PIGG: variants seen among roughly 807,000 people sequenced by gnomAD.
PIGG encodes the protein GPI ethanolamine phosphate transferase 2, catalytic subunit.
PIGG carries 70 observed loss-of-function variants against 83.2 expected under a neutral mutation model. The observed-to-expected ratio is 0.84, with a 90% confidence interval of 0.69 to 1.03. The LOEUF (loss-of-function observed/expected upper bound fraction) is 1.03. PIGG is among the 50% of genes least tolerant of loss of function. PIGG has a pLI of 0.00. For missense variants in PIGG, 1,257 were observed against 1,233.6 expected, an observed-to-expected ratio of 1.02 and a Z score of -0.28; for synonymous variants, 532 against 519.5, an observed-to-expected ratio of 1.02 and a Z score of -0.33.
rs2108942421 is a variant in PIGG, at chr4:521,278, A to G, written c.1332+5A>G. The G allele has an allele frequency of 6.3e-7, 1 of 1,598,172 alleles. No individual in the cohort carries two copies. Among genetic ancestry groups the G allele is most frequent in the Non-Finnish European group, 8.6e-7 (1 of 1,165,812 alleles). On this transcript the variant is annotated splice_donor_5th_base_variant and intron_variant, in intron 7 of 12. Coordinates refer to ENST00000453061, the MANE Select transcript of PIGG (RefSeq NM_001127178.3). ...GGGACTGTCGTGGTTTTGGAGGTAC[A>G]GATGCTCACACAGTCATGGCTCAGG...
chr4:503,839 A>G (rs1718612303), intron 2 of PIGG, among the ~76,000 whole-genome samples: 1 of 119,074 alleles, frequency 8.4e-6, no homozygotes, highest in Admixed American at 9.2e-5. Flanking sequence ...TATATTTGTG[A>G]TTTTATACAC....
chr4:530,362 G>GT, intron 10 of PIGG, 74 bp from the exon 11 acceptor site: 1 of 1,119,696 alleles, frequency 8.9e-7, no homozygotes, highest in Non-Finnish European at 1.3e-6. Context: ...AGATAGGTGT[G>GT]TTTTTCATGG....
At chr4:519,205 C>T (rs753225817) in intron 6 of PIGG, among the ~76,000 whole-genome samples, 10 of 152,306 alleles carry the variant, frequency 6.6e-5, no homozygotes, top group East Asian at 1.9e-4. Context: ...TTTGTAATTA[C>T]GCTTGTGTGC....
chr4:535,099 G>A (rs1730156335), intron 12 of PIGG, among the ~76,000 whole-genome samples: 1 of 152,264 alleles, frequency 6.6e-6, no homozygotes, highest in African/African-American at 2.4e-5. Context: ...GTTCACCATA[G>A]CAGCCTCAGT....
chr4:517,301 T>A (rs1329552002), intron 6 of PIGG, among the ~76,000 whole-genome samples: 3 of 152,034 alleles, frequency 2.0e-5, no homozygotes, highest in Non-Finnish European at 2.9e-5. Context: ...GCAAGGGTGG[T>A]GAAGAAGTGG....
At position 521,175 on chromosome 4, in the gene PIGG, T is replaced by C; in HGVS notation, c.1234T>C (p.Tyr412His). The change falls in exon 7 of 13, where the codon TAC (tyrosine) becomes CAC (histidine). Residue 412 changes from tyrosine to histidine, a missense_variant. Tyr to His is a moderately conservative substitution (Grantham distance 83). Transcript: ENST00000453061. ...FNLGSKVLRQYLDALKTLSLS... is the reference protein window; with the variant it reads ...FNLGSKVLRQHLDALKTLSLS... ...CCTGGGCTCCAAGGTTCTCAGGCAGTACCTGGATGCTCTGAAGACGCTGAG... is the reference window on the plus strand; with the variant it reads ...CCTGGGCTCCAAGGTTCTCAGGCAGCACCTGGATGCTCTGAAGACGCTGAG... The C allele has an allele frequency of 6.2e-7, 1 of 1,614,106 alleles. No individual in the cohort carries two copies. Among genetic ancestry groups the C allele is most frequent in the Non-Finnish European group, 8.5e-7 (1 of 1,179,958 alleles).
At chr4:519,629 C>A (rs1725124008) in intron 6 of PIGG, among the ~76,000 whole-genome samples, 1 of 152,234 alleles carries the variant, frequency 6.6e-6, no homozygotes, top group South Asian at 2.1e-4. Context: ...GTGAAACGAG[C>A]GAGCCGCCTA....
At position 528,755 on chromosome 4, in the gene PIGG, A is replaced by G. The variant is rs1282474648; in HGVS notation, c.2261+1525A>G. On this transcript the variant is annotated intron_variant, in intron 10 of 12. Transcript: ENST00000453061. This position sits in a 1 kb window ranked among gnomAD's most constrained non-coding sequence, Gnocchi z 4.8. ...CTGAATTTCAGCATCACTCATCTCAAGACCTTGGCCCTCTTCCCTTTCCTG... is the reference window on the plus strand; with the variant it reads ...CTGAATTTCAGCATCACTCATCTCAGGACCTTGGCCCTCTTCCCTTTCCTG... 2 of 983,914 alleles carry G rather than the reference A, an allele frequency of 2.0e-6. No individual in the cohort carries two copies. The highest frequency in any genetic ancestry group is 2.4e-6 in the Non-Finnish European group (2 of 828,750). The allele number at this position is 983,914 out of a possible 1,614,324, so 60.9% of individuals were successfully genotyped here.
In PIGG at chr4:499,288, C is replaced by G; in HGVS notation, c.-48C>G. 1 of 1,584,518 alleles carries G rather than the reference C, an allele frequency of 6.3e-7. No individual in the cohort carries two copies. Among genetic ancestry groups the G allele is most frequent in the Non-Finnish European group, 8.5e-7 (1 of 1,170,200 alleles). On this transcript the variant is annotated 5_prime_UTR_variant, in exon 1 of 13. Coordinates refer to ENST00000453061, the MANE Select transcript of PIGG (RefSeq NM_001127178.3). The stretch of plus-strand genomic sequence containing the variant: ...AGCCGGAAGCGCGGCTGCAGCAGGG[C>G]GAGGCTCCAGGTGGGGTCGGTTCCG...
rs370025108 is a variant in PIGG, at chr4:514,829, GA to G, written c.902-1142del. 3.7e-4 allele frequency among the ~76,000 whole-genome samples: 57 copies of G among 152,308 alleles called. No individual in the cohort carries two copies. The East Asian group carries it at 0.01, about 27-fold the overall frequency. On this transcript the variant is annotated intron_variant, in intron 5 of 12. Transcript: ENST00000453061. ...CCGCAATAGACACGCAACAGTCTCA[GA>G]ATAACAATGCCAGTGCTGCCACTAC...
In PIGG at chr4:527,144, G is replaced by A. The variant is rs377565197; in HGVS notation, c.2175G>A (p.Ala725=). Residue 725 remains alanine (A), a synonymous_variant, in exon 10 of 13, where the codon GCG becomes GCA. Transcript: ENST00000453061. ...GCSPVSKAAL[A]LGLLGVYCYR... ...CCCCTGTGTCCAAGGCTGCCCTGGC[G>A]CTGGGGCTGCTGGGCGTCTACTGCT... 1.9e-5 allele frequency: 31 copies of A among 1,614,042 alleles called. No individual in the cohort carries two copies. Among genetic ancestry groups the A allele is most frequent in the Middle Eastern group, 3.3e-4 (2 of 6,024 alleles).
chr4:514,653 T>C (rs1723257020), intron 5 of PIGG, among the ~76,000 whole-genome samples: 1 of 152,246 alleles, frequency 6.6e-6, no homozygotes, highest in African/African-American at 2.4e-5. Flanking sequence ...TAAAATGATC[T>C]TGTGTTTGTA....
In PIGG at chr4:499,264, G is replaced by C; in HGVS notation, c.-72G>C. On this transcript the variant is annotated 5_prime_UTR_variant, in exon 1 of 13. Transcript: ENST00000453061. The stretch of plus-strand genomic sequence containing the variant: ...TATTGCTTAGAGGCGGCTACCTGGA[G>C]CCGGAAGCGCGGCTGCAGCAGGGCG... The C allele has an allele frequency of 6.5e-7, 1 of 1,536,852 alleles. No individual in the cohort carries two copies. The highest frequency in any genetic ancestry group is 8.8e-7 in the Non-Finnish European group (1 of 1,137,440).
chr4:539,292 G>A lies in PIGG; in HGVS notation c.2875G>A (p.Gly959Arg). Residue 959 changes from glycine (G) to arginine (R), a missense_variant, in exon 13 of 13, where the codon GGA becomes AGA. Coordinates refer to ENST00000453061, the MANE Select transcript of PIGG (RefSeq NM_001127178.3). ...SVFSPKLLYE[G>R]MHLLITAAVC... ...ATTTTCTCCAAAACTTCTCTACGAG[G>A]GAATGCACCTGCTCATTACAGCTGC... The A allele has an allele frequency of 1.9e-6, 3 of 1,613,692 alleles. No individual in the cohort carries two copies. Among genetic ancestry groups the A allele is most frequent in the Non-Finnish European group, 2.5e-6 (3 of 1,179,622 alleles).
Position 539,275 on chromosome 4 carries a change from C to T in PIGG, c.2858C>T (p.Pro953Leu). The T allele has an allele frequency of 6.2e-7, 1 of 1,613,450 alleles. No individual in the cohort carries two copies. Among genetic ancestry groups the T allele is most frequent in the East Asian group, 2.2e-5 (1 of 44,878 alleles). ...YHLFIWSVFSPKLLYEGMHLL... is the reference protein window; with the variant it reads ...YHLFIWSVFSLKLLYEGMHLL... Reference sequence around the variant, plus strand: ...TTATTTATATGGAGTGTATTTTCTCCAAAACTTCTCTACGAGGGAATGCAC... The same window carrying T: ...TTATTTATATGGAGTGTATTTTCTCTAAAACTTCTCTACGAGGGAATGCAC... Residue 953 changes from proline (P) to leucine (L), a missense_variant, in exon 13 of 13, where the codon CCA (proline) becomes CTA (leucine). By Grantham distance (98) the Pro-to-Leu change is moderately conservative (BLOSUM62 -3). Coordinates refer to ENST00000453061, the MANE Select transcript of PIGG (RefSeq NM_001127178.3).
chr4:521,145 T>C lies in PIGG; in HGVS notation c.1204T>C (p.Phe402Leu). 1.9e-6 allele frequency: 3 copies of C among 1,614,164 alleles called. No individual in the cohort carries two copies. The highest frequency in any genetic ancestry group is 2.5e-6 in the Non-Finnish European group (3 of 1,179,976). Residue 402 changes from phenylalanine to leucine, a missense_variant, in exon 7 of 13, where the codon TTC becomes CTC. Coordinates refer to ENST00000453061, the MANE Select transcript of PIGG (RefSeq NM_001127178.3). ...YLEEKHSEVLFNLGSKVLRQY... is the reference protein window; with the variant it reads ...YLEEKHSEVLLNLGSKVLRQY... The stretch of plus-strand genomic sequence containing the variant: ...GGAGGAAAAGCATTCAGAAGTCCTA[T>C]TCAACCTGGGCTCCAAGGTTCTCAG...
At chr4:499,574 C>G in intron 1 of PIGG, 85 bp downstream of exon 1, 1 of 1,457,682 alleles carries the variant, frequency 6.9e-7, no homozygotes, top group Non-Finnish European at 9.0e-7. Flanking sequence ...GCTCGGATTT[C>G]TTCTCGGCGC....
chr4:519,296 TCCCCTGGCACAG>T (rs1159560882), intron 6 of PIGG, among the ~76,000 whole-genome samples: 1 of 152,204 alleles, frequency 6.6e-6, no homozygotes, highest in Non-Finnish European at 1.5e-5. Context: ...ATGCTGTGTC[TCCCCTGGCACAG>T]CGCCTGGCAC....
intron 6 of PIGG, among the ~76,000 whole-genome samples, chr4:517,773 CCAGGAGACAGCTA>C (rs1724430184): frequency 6.6e-6 from 1 of 151,926 alleles, no homozygotes; most frequent in South Asian, 2.1e-4. Flanking sequence ...AAGGGAGGTG[CCAGGAGACAGCTA>C]CAGGAAGGGT....
Sources: gnomAD v4.1 joint callset for allele counts (sites outside exome capture counted in the v4.1 genomes callset) on GRCh38, gnomAD v4.1.1 for gene constraint, Gnocchi (gnomAD v3.1) non-coding constraint, MANE v1.5 for transcripts, NCBI Gene and HGNC (gene_info 2026-07-23, HGNC 2026-07-21) for gene names.